Variants in TBC1D22A observed in about 807,000 individuals in gnomAD.
The protein encoded by TBC1D22A is putative GTPase activator.
In TBC1D22A, 38 loss-of-function variants were observed where a neutral mutation model predicts 60.2. That is an observed-to-expected ratio of 0.63 (90% CI 0.49 to 0.83). TBC1D22A has a LOEUF of 0.83. TBC1D22A is among the 40% of genes least tolerant of loss of function. The pLI is 0.00. For missense variants in TBC1D22A, 628 were observed against 701.0 expected (o/e 0.90, Z 1.18); for synonymous variants, 302 against 281.7 (o/e 1.07, Z -0.72).
chr22:47,143,036 T>A (rs972162372), intron 12 of TBC1D22A, among the ~76,000 whole-genome samples: 14 of 151,960 alleles, frequency 9.2e-5, no homozygotes, highest in African/African-American at 3.4e-4. Flanking sequence ...TGAAGGTGAC[T>A]GCCTGGTGGA....
At chr22:46,930,394 C>T (rs1164707650) in intron 8 of TBC1D22A, among the ~76,000 whole-genome samples, 2 of 152,142 alleles carry the variant, frequency 1.3e-5, no homozygotes, top group Non-Finnish European at 1.5e-5. Flanking sequence ...TCCCTGAAGT[C>T]AGTAGGACTT....
chr22:47,129,868 CTTG>C (rs2066621945), intron 12 of TBC1D22A, among the ~76,000 whole-genome samples: 1 of 152,230 alleles, frequency 6.6e-6, no homozygotes, highest in Non-Finnish European at 1.5e-5. Context: ...CTACTGTTTT[CTTG>C]TTTTTTCCTC....
At chr22:47,062,171 T>C (rs1186723050) in intron 11 of TBC1D22A, among the ~76,000 whole-genome samples, 2 of 151,542 alleles carry the variant, frequency 1.3e-5, no homozygotes, top group African/African-American at 2.4e-5. Flanking sequence ...GCGGATTGTT[T>C]TCCCAGGGTT....
intron 3 of TBC1D22A, among the ~76,000 whole-genome samples, chr22:46,796,637 C>T (rs2084666005): frequency 6.6e-6 from 1 of 151,738 alleles, no homozygotes; most frequent in African/African-American, 2.4e-5. Flanking sequence ...CTGACCCGGT[C>T]CCGGGTTGCT....
chr22:47,122,338 G>A (rs2066300543), intron 12 of TBC1D22A, among the ~76,000 whole-genome samples: 1 of 152,208 alleles, frequency 6.6e-6, no homozygotes, highest in Admixed American at 6.5e-5. Flanking sequence ...TGACATAAGG[G>A]CCACATTTCA....
intron 10 of TBC1D22A, among the ~76,000 whole-genome samples, chr22:47,027,257 T>G (rs775994512): frequency 6.6e-5 from 10 of 152,258 alleles, no homozygotes; most frequent in Non-Finnish European, 1.5e-4. Flanking sequence ...GAATTCATAT[T>G]TTGTGCCATG....
chr22:46,842,496 A>G (rs1050334192), intron 4 of TBC1D22A, among the ~76,000 whole-genome samples: 2 of 152,230 alleles, frequency 1.3e-5, no homozygotes, highest in East Asian at 3.9e-4. Flanking sequence ...TTCTTTTTGG[A>G]TGCATCTCAA....
intron 12 of TBC1D22A, among the ~76,000 whole-genome samples, chr22:47,141,886 A>T (rs1485100891): frequency 6.6e-6 from 1 of 152,238 alleles, no homozygotes; most frequent in Non-Finnish European, 1.5e-5. Flanking sequence ...TAATATTCTG[A>T]GTTGTGGCTG....
At chr22:47,102,243 G>A (rs760729542) in intron 11 of TBC1D22A, among the ~76,000 whole-genome samples, 1 of 152,180 alleles carries the variant, frequency 6.6e-6, no homozygotes, top group Non-Finnish European at 1.5e-5. Context: ...AGGCCTGGTG[G>A]CATGGAGGTG....
chr22:46,804,820 A>G (rs1048166518), intron 4 of TBC1D22A, among the ~76,000 whole-genome samples: 2 of 152,226 alleles, frequency 1.3e-5, no homozygotes, highest in African/African-American at 4.8e-5. Flanking sequence ...AGCAAATGCT[A>G]AAAGAGAGTT....
intron 11 of TBC1D22A, among the ~76,000 whole-genome samples, chr22:47,089,838 T>G (rs913663437): frequency 1.3e-5 from 2 of 152,210 alleles, no homozygotes; most frequent in African/African-American, 4.8e-5. Flanking sequence ...AAGACTTTTA[T>G]TCACAAGTCT....
chr22:46,968,525 G>A (rs895338888), intron 8 of TBC1D22A, among the ~76,000 whole-genome samples: 6 of 149,294 alleles, frequency 4.0e-5, no homozygotes, highest in African/African-American at 1.2e-4. Context: ...GTGGGCAGGC[G>A]TCCTCACTGC....
At chr22:47,166,547 G>A (rs1168682551) in intron 12 of TBC1D22A, among the ~76,000 whole-genome samples, 1 of 152,240 alleles carries the variant, frequency 6.6e-6, no homozygotes, top group East Asian at 1.9e-4. Flanking sequence ...CCTTGAAGGC[G>A]AAGTCTGCGG....
At chr22:46,774,083 C>G (rs1169354346) in intron 1 of TBC1D22A, 11 of 985,652 alleles carry the variant, frequency 1.1e-5, no homozygotes, top group Non-Finnish European at 1.3e-5. Context: ...TCCTCCCGCC[C>G]CCGCACCCAT....
chr22:46,800,371 C>T (rs557920255), intron 4 of TBC1D22A, among the ~76,000 whole-genome samples: 27 of 152,078 alleles, frequency 1.8e-4, no homozygotes, highest in Non-Finnish European at 3.7e-4. Context: ...AAAGGTAGAT[C>T]GTGCTTACGG....
intron 8 of TBC1D22A, among the ~76,000 whole-genome samples, chr22:46,973,418 C>A (rs1036144744): frequency 1.3e-5 from 2 of 152,246 alleles, no homozygotes; most frequent in African/African-American, 4.8e-5. Flanking sequence ...CGTCAGCAGA[C>A]CCCGGTCAAC....
At chr22:47,079,625 A>C (rs541835497) in intron 11 of TBC1D22A, among the ~76,000 whole-genome samples, 2 of 152,234 alleles carry the variant, frequency 1.3e-5, no homozygotes, top group African/African-American at 4.8e-5. Context: ...GACCACTAGC[A>C]AAATAAAACA....
chr22:46,902,876 G>A (rs188880034), intron 7 of TBC1D22A, among the ~76,000 whole-genome samples: 12 of 150,334 alleles, frequency 8.0e-5, no homozygotes, highest in Admixed American at 7.2e-4. Flanking sequence ...AGACAGATGT[G>A]CGTGAAACCC....
At chr22:47,105,156 T>TAA in intron 11 of TBC1D22A, among the ~76,000 whole-genome samples, 1 of 146,428 alleles carries the variant, frequency 6.8e-6, no homozygotes, top group East Asian at 2.0e-4. Flanking sequence ...AATAATATCA[T>TAA]AAAAAAAAAA....
Sources: gnomAD v4.1 joint callset for allele counts (sites outside exome capture counted in the v4.1 genomes callset) on GRCh38, gnomAD v4.1.1 for gene constraint, MANE v1.5 for transcripts, NCBI Gene and HGNC (gene_info 2026-07-23, HGNC 2026-07-21) for gene names.